LRP5: variants seen among roughly 807,000 people sequenced by gnomAD.
LRP5 encodes low-density lipoprotein receptor-related protein 5.
Under a neutral mutation model 154.1 loss-of-function variants are expected in LRP5, and 62 were observed. The observed-to-expected ratio is 0.40, with a 90% CI of 0.33 to 0.50. The LOEUF is 0.50. Among genes scored for constraint, LRP5 ranks in the 20% least tolerant of loss-of-function variants. The pLI is 0.55. For synonymous variants in LRP5, 966 were observed against 1,011.5 expected (o/e 0.96, Z 0.85); for missense variants, 1,915 against 2,336.7 (o/e 0.82, Z 3.72).
At position 68,403,713 on chromosome 11, in the gene LRP5, G is replaced by T. The variant is rs771938003; in HGVS notation, c.1801+14G>T. On this transcript the variant is annotated intron_variant, in intron 8 of 22. Transcript: ENST00000294304. Reference sequence around the variant, plus strand: ...CCAAGGTCGTCGGTGAGTCCGGGGGGTCCCAAGCCATGGCTCAGCCATGCA... The same window carrying T: ...CCAAGGTCGTCGGTGAGTCCGGGGGTTCCCAAGCCATGGCTCAGCCATGCA... The T allele has an allele frequency of 7.4e-6, 12 of 1,612,500 alleles. No individual in the cohort carries two copies. The highest frequency in any genetic ancestry group is 1.1e-5 in the South Asian group (1 of 91,004).
chr11:68,339,356 T>C (rs140971747), intron 1 of LRP5, among the ~76,000 whole-genome samples: 15 of 151,654 alleles, frequency 9.9e-5, no homozygotes, highest in African/African-American at 3.6e-4. Context: ...TAATTTTTTC[T>C]TTTTTTTCCG....
chr11:68,380,697 C>T (rs1258878236), intron 5 of LRP5, among the ~76,000 whole-genome samples: 1 of 152,228 alleles, frequency 6.6e-6, no homozygotes, highest in African/African-American at 2.4e-5. Context: ...AGTGGGGCCT[C>T]AGAAGAGAGC....
intron 1 of LRP5, among the ~76,000 whole-genome samples, chr11:68,325,810 C>A (rs1276044355): frequency 6.6e-6 from 1 of 152,222 alleles, no homozygotes; most frequent in Non-Finnish European, 1.5e-5. Context: ...TTTCCCCATC[C>A]GTGATAGGGA....
chr11:68,398,155 C>CA (rs1241993692), intron 7 of LRP5, among the ~76,000 whole-genome samples: 1 of 152,162 alleles, frequency 6.6e-6, no homozygotes, highest in Non-Finnish European at 1.5e-5. Context: ...CACGTGCTGT[C>CA]AGAGGGTGGG....
Position 68,403,694 on chromosome 11 carries a change from T to C in LRP5, c.1796T>C (p.Val599Ala), listed in dbSNP as rs1365120376. 6.2e-7 allele frequency: 1 copy of C among 1,613,512 alleles called. No homozygotes were observed. The change falls in exon 8 of 23, where the codon GTC (valine) becomes GCC (alanine). Residue 599 changes from valine to alanine, a missense_variant. Val to Ala is a moderately conservative substitution (Grantham distance 64, BLOSUM62 0). Around this residue, in one of 3 missense-constraint regions of LRP5, gnomAD observed 773 missense variants for 1,100.9 expected, o/e 0.70. Coordinates refer to ENST00000294304, the MANE Select transcript of LRP5 (RefSeq NM_002335.4). ...MGLKAVNVAK[V>A]VGTNPCADRN... ...CTCAAAGCTGTGAATGTGGCCAAGGTCGTCGGTGAGTCCGGGGGGTCCCAA... is the reference window on the plus strand; with the variant it reads ...CTCAAAGCTGTGAATGTGGCCAAGGCCGTCGGTGAGTCCGGGGGGTCCCAA...
intron 7 of LRP5, 98 bp downstream of exon 7, chr11:68,390,150 C>T: frequency 7.0e-7 from 1 of 1,438,828 alleles, no homozygotes; most frequent in Non-Finnish European, 9.6e-7. Context: ...GGTGCCTGTG[C>T]TCTGCTATTT....
chr11:68,435,500 G>A (rs911298237), intron 18 of LRP5, among the ~76,000 whole-genome samples: 7 of 152,060 alleles, frequency 4.6e-5, no homozygotes, highest in East Asian at 1.9e-4. Context: ...GAGAGAGAGC[G>A]CCTCTCCCTC....
At chr11:68,406,117 C>T (rs2450887) in intron 8 of LRP5, among the ~76,000 whole-genome samples, 1 of 152,188 alleles carries the variant, frequency 6.6e-6, no homozygotes, top group Admixed American at 6.5e-5. Flanking sequence ...GGAGTGAGTT[C>T]GGACAGGTGA....
chr11:68,395,835 C>T (rs1034638254), intron 7 of LRP5, among the ~76,000 whole-genome samples: 3 of 152,216 alleles, frequency 2.0e-5, no homozygotes, highest in South Asian at 2.1e-4. Flanking sequence ...GAGTTTGGTG[C>T]GTCTTTTCCT....
chr11:68,349,988 T>C (rs956789984), intron 2 of LRP5, among the ~76,000 whole-genome samples: 5 of 152,294 alleles, frequency 3.3e-5, no homozygotes, highest in Admixed American at 2.6e-4. Flanking sequence ...CCAGGCTCAG[T>C]TGGAAGCCCT....
chr11:68,390,266 C>T (rs1212589882), intron 7 of LRP5, among the ~76,000 whole-genome samples: 2 of 152,228 alleles, frequency 1.3e-5, no homozygotes, highest in Non-Finnish European at 2.9e-5. Flanking sequence ...TGTTATCATT[C>T]GGCCAGGTGC....
intron 7 of LRP5, among the ~76,000 whole-genome samples, chr11:68,399,927 C>T (rs1047641266): frequency 7.9e-5 from 12 of 152,294 alleles, no homozygotes; most frequent in African/African-American, 2.6e-4. Context: ...CCCAGTTGGC[C>T]GGGTCCACCG....
intron 17 of LRP5, among the ~76,000 whole-genome samples, chr11:68,430,504 G>A (rs1432007037): frequency 6.6e-6 from 1 of 152,202 alleles, no homozygotes; most frequent in Non-Finnish European, 1.5e-5. Context: ...GCATCATGCA[G>A]TTTATCTTGG....
At chr11:68,424,269 TG>T (rs137947038) in intron 14 of LRP5, among the ~76,000 whole-genome samples, 2 of 152,106 alleles carry the variant, frequency 1.3e-5, no homozygotes, top group East Asian at 3.8e-4. Context: ...CTCAGATAGC[TG>T]GGGGGCTGGC....
At chr11:68,347,044 C>G (rs2098613589) in intron 1 of LRP5, among the ~76,000 whole-genome samples, 6 of 152,182 alleles carry the variant, frequency 3.9e-5, no homozygotes, top group Admixed American at 1.3e-4. Flanking sequence ...GTGAGGGAGC[C>G]AGCCTGGCCG....
chr11:68,326,687 C>T (rs2098599890), intron 1 of LRP5, among the ~76,000 whole-genome samples: 1 of 152,262 alleles, frequency 6.6e-6, no homozygotes, highest in Non-Finnish European at 1.5e-5. Context: ...CCCATCGCCT[C>T]TGGGATGAGA....
Position 68,416,405 on chromosome 11 carries a change from C to G in LRP5, c.2905C>G (p.Leu969Val). 6.2e-7 allele frequency: 1 copy of G among 1,614,194 alleles called. No individual in the cohort carries two copies. Among genetic ancestry groups the G allele is most frequent in the Non-Finnish European group, 8.5e-7 (1 of 1,180,036 alleles). Residue 969 changes from leucine (L) to valine (V), a missense_variant, in exon 13 of 23, where the codon CTC becomes GTC. Leu to Val is a conservative substitution (Grantham distance 32). Coordinates refer to ENST00000294304, the MANE Select transcript of LRP5 (RefSeq NM_002335.4). Reference sequence around the variant, plus strand: ...CCCGGACGACCAGCACAGCCCGGATCTCATCCTGCCCCTGCATGGACTGAG... The same window carrying G: ...CCCGGACGACCAGCACAGCCCGGATGTCATCCTGCCCCTGCATGGACTGAG... ...MIPDDQHSPD[L>V]ILPLHGLRNV...
chr11:68,320,876 T>C (rs1326375874), intron 1 of LRP5, among the ~76,000 whole-genome samples: 5 of 152,196 alleles, frequency 3.3e-5, no homozygotes, highest in Admixed American at 6.5e-5. Flanking sequence ...TCATCCTTGT[T>C]TCTGGTGGTA....
At chr11:68,361,075 A>G (rs1212973328) in intron 3 of LRP5, among the ~76,000 whole-genome samples, 36 of 131,088 alleles carry the variant, frequency 2.7e-4, no homozygotes, top group Middle Eastern at 5.8e-3. Flanking sequence ...GGAGGCTGAG[A>G]CGGGCGGATC....
Sources: gnomAD v4.1 joint callset for allele counts (sites outside exome capture counted in the v4.1 genomes callset) on GRCh38, gnomAD v4.1.1 for gene constraint, gnomAD v4.1.1 regional missense constraint, MANE v1.5 for transcripts, NCBI Gene and HGNC (gene_info 2026-07-23, HGNC 2026-07-21) for gene names.